The following CSMD2 variants were observed in gnomAD, a reference collection of about 807,000 sequenced individuals.
CSMD2 encodes CUB and Sushi multiple domains 2.
CSMD2 carries 130 observed loss-of-function variants against 398.5 expected under a neutral mutation model. That is an observed-to-expected ratio of 0.33 (90% CI 0.28 to 0.38). The LOEUF (loss-of-function observed/expected upper bound fraction) is 0.38. Ranked by LOEUF, CSMD2 falls within the 10% of genes least tolerant of loss-of-function variation. CSMD2 has a pLI of 1.00. For missense variants in CSMD2, 3,829 were observed against 4,764.9 expected (o/e 0.80, Z 5.78); for synonymous variants, 1,828 against 1,908.5 (o/e 0.96, Z 1.10).
At chr1:34,094,956 A>AT (rs1362914257) in intron 1 of CSMD2, among the ~76,000 whole-genome samples, 127 of 143,496 alleles carry the variant, frequency 8.9e-4, no homozygotes, top group African/African-American at 3.2e-3. Context: ...CAGAATATAC[A>AT]TTTTTTTCAG....
At chr1:34,048,311 C>G (rs532258963) in intron 2 of CSMD2, among the ~76,000 whole-genome samples, 1 of 152,198 alleles carries the variant, frequency 6.6e-6, no homozygotes, top group Non-Finnish European at 1.5e-5. Flanking sequence ...GGAAACTGCT[C>G]TCTGTCAAGG....
At chr1:34,052,730 CCCTGGCTCAGTG>C (rs1653355656) in intron 2 of CSMD2, among the ~76,000 whole-genome samples, 1 of 152,094 alleles carries the variant, frequency 6.6e-6, no homozygotes, top group South Asian at 2.1e-4. Context: ...TATGCTCAGT[CCCTGGCTCAGTG>C]CCTGGTACAC....
At chr1:33,922,738 C>T (rs1034972809) in intron 4 of CSMD2, among the ~76,000 whole-genome samples, 10 of 152,062 alleles carry the variant, frequency 6.6e-5, no homozygotes, top group Admixed American at 6.6e-4. Context: ...CCCCCACATC[C>T]AGCCAGGGAC....
At chr1:33,586,877 CA>C (rs972200265) in intron 45 of CSMD2, among the ~76,000 whole-genome samples, 5 of 152,012 alleles carry the variant, frequency 3.3e-5, no homozygotes, top group Non-Finnish European at 5.9e-5. Context: ...TGACTTGAAC[CA>C]AAAAAAGAAA....
At chr1:33,772,503 TA>T (rs1651414208) in intron 13 of CSMD2, 65 bp downstream of exon 13, 8 of 1,493,370 alleles carry the variant, frequency 5.4e-6, no homozygotes, top group Non-Finnish European at 6.4e-6. Context: ...GCCCCTGGAT[TA>T]GCTAGGAAAC....
chr1:33,580,680 C>A, intron 48 of CSMD2, 73 bp downstream of exon 48: 1 of 1,548,166 alleles, frequency 6.5e-7, no homozygotes. Context: ...GAATGGCCGC[C>A]CGGTCTCCAC....
intron 5 of CSMD2, among the ~76,000 whole-genome samples, chr1:33,873,371 T>A (rs1303719719): frequency 1.3e-5 from 2 of 152,240 alleles, no homozygotes; most frequent in Non-Finnish European, 2.9e-5. Flanking sequence ...CTGGTATTCA[T>A]GTCCTTGTGC....
chr1:34,063,402 C>T (rs58264760), intron 2 of CSMD2, among the ~76,000 whole-genome samples: 1,655 of 152,224 alleles, frequency 0.011, 28 homozygotes, highest in African/African-American at 0.035. Flanking sequence ...AGCTACATGG[C>T]GGTACAGGTA....
Position 33,636,210 on chromosome 1 carries a change from T to C in CSMD2, c.4969+150A>G, listed in dbSNP as rs1642790613. 2 of 672,824 alleles carry C rather than the reference T, an allele frequency of 3.0e-6. No homozygotes were observed. The highest frequency in any genetic ancestry group is 1.8e-5 in the African/African-American group (1 of 55,108). 41.7% of individuals were successfully genotyped at this position (672,824 alleles called of 1,614,324 possible). A position where few individuals can be genotyped will look rare whatever the true frequency, so the allele number is the denominator to read the frequency against. Reference sequence around the variant, plus strand: ...CACCTAGTGAATTATAAGCCACTTCTATACACATCCACGGCAAACCCAGGT... The same window carrying C: ...CACCTAGTGAATTATAAGCCACTTCCATACACATCCACGGCAAACCCAGGT... On this transcript the variant is annotated intron_variant, in intron 30 of 70. Transcript: ENST00000373381. This position sits in a 1 kb window ranked among gnomAD's most constrained non-coding sequence, Gnocchi z 4.8.
intron 29 of CSMD2, among the ~76,000 whole-genome samples, chr1:33,644,276 C>T (rs1643289008): frequency 6.6e-6 from 1 of 152,216 alleles, no homozygotes; most frequent in South Asian, 2.1e-4. Flanking sequence ...TGGAGAAGAC[C>T]TGGGGGAGAG....
At chr1:33,876,130 G>C (rs1640824398) in intron 5 of CSMD2, among the ~76,000 whole-genome samples, 1 of 152,206 alleles carries the variant, frequency 6.6e-6, no homozygotes, top group African/African-American at 2.4e-5. Flanking sequence ...TTGAGGCAAA[G>C]ACAGATTGCC....
At chr1:34,115,344 A>G (rs1215853544) in intron 1 of CSMD2, among the ~76,000 whole-genome samples, 1 of 152,176 alleles carries the variant, frequency 6.6e-6, no homozygotes, top group Non-Finnish European at 1.5e-5. Context: ...GAAAGCAGCA[A>G]GGAAACATGA....
At chr1:33,898,635 A>G (rs772178230) in intron 5 of CSMD2, among the ~76,000 whole-genome samples, 28 of 152,104 alleles carry the variant, frequency 1.8e-4, no homozygotes, top group Admixed American at 7.2e-4. Context: ...CAACTTCCCT[A>G]TGAAGGTAAT....
At chr1:33,852,457 T>G (rs2125092580) in intron 5 of CSMD2, among the ~76,000 whole-genome samples, 1 of 152,366 alleles carries the variant, frequency 6.6e-6, no homozygotes, top group South Asian at 2.1e-4. Context: ...ACTAGTACTT[T>G]CGTGTCTCCA....
Position 33,825,643 on chromosome 1 carries a change from A to G in CSMD2, c.1111+54T>C. The G allele has an allele frequency of 2.0e-6, 3 of 1,480,588 alleles. No individual in the cohort carries two copies. In the South Asian group the frequency reaches 3.4e-5, roughly 17 times the overall value. 91.7% of individuals were successfully genotyped at this position (1,480,588 alleles called of 1,614,324 possible). ...GGCTTCCCCACGGTTTAGTGCCTGC[A>G]CGTGTGACCTCAAGCAAGAGGCCCG... On this transcript the variant is annotated intron_variant, in intron 7 of 70. Coordinates refer to ENST00000373381, the MANE Select transcript of CSMD2 (RefSeq NM_001281956.2).
At chr1:34,031,274 G>T (rs1371802302) in intron 3 of CSMD2, among the ~76,000 whole-genome samples, 1 of 152,012 alleles carries the variant, frequency 6.6e-6, no homozygotes, top group African/African-American at 2.4e-5. Context: ...TGTTGCCCAG[G>T]ATGGTCTCAA....
intron 3 of CSMD2, among the ~76,000 whole-genome samples, chr1:33,943,399 C>CTT (rs1644738925): frequency 6.6e-6 from 1 of 152,184 alleles, no homozygotes; most frequent in South Asian, 2.1e-4. Flanking sequence ...TAAAGCCCTC[C>CTT]TTGATACCCT....
chr1:33,865,942 G>C (rs1257978104), intron 5 of CSMD2, among the ~76,000 whole-genome samples: 1 of 152,144 alleles, frequency 6.6e-6, no homozygotes, highest in Non-Finnish European at 1.5e-5. Context: ...GGAATATTTT[G>C]AAATGGTTCT....
chr1:34,031,492 C>T (rs1036187280), intron 3 of CSMD2, among the ~76,000 whole-genome samples: 1 of 152,084 alleles, frequency 6.6e-6, no homozygotes, highest in Non-Finnish European at 1.5e-5. Flanking sequence ...CAGCAAAAGA[C>T]AGGTGGAACT....
Sources: gnomAD v4.1 joint callset for allele counts (sites outside exome capture counted in the v4.1 genomes callset) on GRCh38, gnomAD v4.1.1 for gene constraint, Gnocchi (gnomAD v3.1) non-coding constraint, MANE v1.5 for transcripts, NCBI Gene and HGNC (gene_info 2026-07-23, HGNC 2026-07-21) for gene names.